The following DOK6 variants were observed in gnomAD, a reference collection of about 807,000 sequenced individuals.
The protein encoded by DOK6 is docking protein 6.
In DOK6, 22 loss-of-function variants were observed where a neutral mutation model predicts 44.0. That is an observed-to-expected ratio of 0.50 (90% confidence interval 0.36 to 0.71). The LOEUF is 0.71. Ranked by LOEUF, DOK6 falls within the 30% of genes least tolerant of loss-of-function variation. The pLI is 0.00. For missense variants in DOK6, 340 were observed against 416.4 expected, an observed-to-expected ratio of 0.82 and a Z score of 1.60; for synonymous variants, 166 against 145.5, an observed-to-expected ratio of 1.14 and a Z score of -1.01.
At chr18:69,447,372 T>G (rs1231809029) in intron 1 of DOK6, among the ~76,000 whole-genome samples, 1 of 152,176 alleles carries the variant, frequency 6.6e-6, no homozygotes, top group Non-Finnish European at 1.5e-5. Flanking sequence ...TGTAGATGTG[T>G]GGAGTTATTT....
chr18:69,424,645 CTCAA>C (rs1371480129), intron 1 of DOK6, among the ~76,000 whole-genome samples: 2 of 69,908 alleles, frequency 2.9e-5, no homozygotes, highest in African/African-American at 1.2e-4. Flanking sequence ...TTTTGTCTTA[CTCAA>C]GAAGGCTCTC....
chr18:69,690,914 C>T (rs1009576226), intron 4 of DOK6, among the ~76,000 whole-genome samples: 1 of 152,152 alleles, frequency 6.6e-6, no homozygotes, highest in African/African-American at 2.4e-5. Context: ...GGCATGGTGG[C>T]TCACACCTGT....
chr18:69,836,022 C>A (rs145382982), intron 7 of DOK6, among the ~76,000 whole-genome samples: 10 of 152,274 alleles, frequency 6.6e-5, no homozygotes, highest in African/African-American at 2.4e-4. Context: ...CAAAAGGGAA[C>A]CCTTGTTGGT....
At position 69,846,578 on chromosome 18, in the gene DOK6, TA is replaced by T. The variant is rs1460211243; in HGVS notation, c.*5196del. On this transcript the variant is annotated 3_prime_UTR_variant, in exon 8 of 8. Coordinates refer to ENST00000382713, the MANE Select transcript of DOK6 (RefSeq NM_152721.6). Reference sequence around the variant, plus strand: ...GGTCATGAATGGTTGGTATAAGCTTTATTTACTCATATATTGTCATCCAGTT... The same window carrying T: ...GGTCATGAATGGTTGGTATAAGCTTTTTTACTCATATATTGTCATCCAGTT... 1 of 152,232 alleles carries T rather than the reference TA, an allele frequency of 6.6e-6. No homozygotes were observed. The highest frequency in any genetic ancestry group is 1.5e-5 in the Non-Finnish European group (1 of 68,032). The allele number at this position is 152,232 out of a possible 1,614,324, so 9.4% of individuals were successfully genotyped here.
rs148388766 is a variant in DOK6 at position 69,638,080 on chromosome 18, T to C, written c.289+38582T>C. Among the ~76,000 whole-genome samples, 283 of 152,352 alleles carry C rather than the reference T, an allele frequency of 1.9e-3. 2 individuals carry two copies. The highest frequency in any genetic ancestry group is 5.9e-3 in the African/African-American group (244 of 41,584). On this transcript the variant is annotated intron_variant, in intron 3 of 7. Transcript: ENST00000382713. ...TTCTTCCTATTGCCTTTGATGTTTC[T>C]TTAGAGCAGAAGTTGGCAAACTTTT...
intron 1 of DOK6, among the ~76,000 whole-genome samples, chr18:69,484,736 G>A (rs1980526315): frequency 6.6e-6 from 1 of 152,092 alleles, no homozygotes; most frequent in African/African-American, 2.4e-5. Context: ...CCTGAGCTAA[G>A]CTTATCTCAT....
chr18:69,715,559 G>A (rs781576306), intron 5 of DOK6, among the ~76,000 whole-genome samples: 7 of 152,156 alleles, frequency 4.6e-5, no homozygotes, highest in East Asian at 1.9e-4. Context: ...GCTGTCAGTC[G>A]AGTGCATTGT....
chr18:69,459,188 TG>T (rs1384252598), intron 1 of DOK6, among the ~76,000 whole-genome samples: 42 of 848 alleles, frequency 0.05, no homozygotes, highest in East Asian at 0.2. Context: ...AAAAATATTT[TG>T]TGTGTGTGTG....
chr18:69,750,470 A>G (rs117081194), intron 6 of DOK6, among the ~76,000 whole-genome samples: 1 of 152,346 alleles, frequency 6.6e-6, no homozygotes, highest in East Asian at 1.9e-4. Context: ...AAAGGTTCAT[A>G]AAAAATGCTG....
intron 1 of DOK6, among the ~76,000 whole-genome samples, chr18:69,410,076 AG>A (rs1236551653): frequency 2.0e-5 from 3 of 152,232 alleles, no homozygotes; most frequent in Non-Finnish European, 4.4e-5. Flanking sequence ...GAATTTACCT[AG>A]AAGCTACCAA....
chr18:69,771,508 ATAT>A (rs1361833941), intron 7 of DOK6, among the ~76,000 whole-genome samples: 1 of 152,052 alleles, frequency 6.6e-6, no homozygotes, highest in Non-Finnish European at 1.5e-5. Context: ...TACATTATAC[ATAT>A]TATATGTGTA....
In DOK6 at chr18:69,847,151, C is replaced by T. The variant is rs777203908; in HGVS notation, c.*5768C>T. 7 of 151,938 alleles carry T rather than the reference C, an allele frequency of 4.6e-5. No individual in the cohort carries two copies. Among genetic ancestry groups the T allele is most frequent in the Non-Finnish European group, 8.8e-5 (6 of 67,990 alleles). The allele number at this position is 151,938 out of a possible 1,614,324, so 9.4% of individuals were successfully genotyped here. ...AGTAAGTTTTTTTTAAGTTATCTTC[C>T]ATGCCTGCTTCCCTAGTCTGAACTC... On this transcript the variant is annotated 3_prime_UTR_variant, in exon 8 of 8. Coordinates refer to ENST00000382713, the MANE Select transcript of DOK6 (RefSeq NM_152721.6).
chr18:69,536,531 T>G (rs1398291752), intron 1 of DOK6, among the ~76,000 whole-genome samples: 1 of 149,190 alleles, frequency 6.7e-6, no homozygotes, highest in Non-Finnish European at 1.5e-5. Context: ...ATATATAATT[T>G]TGGTTATTTT....
chr18:69,551,823 A>T (rs1982573132), intron 1 of DOK6, among the ~76,000 whole-genome samples: 1 of 152,068 alleles, frequency 6.6e-6, no homozygotes, highest in African/African-American at 2.4e-5. Context: ...TTAATGTTTC[A>T]CTCTTTCCAA....
intron 6 of DOK6, among the ~76,000 whole-genome samples, chr18:69,754,003 A>G (rs922866768): frequency 2.6e-5 from 4 of 152,194 alleles, no homozygotes; most frequent in African/African-American, 4.8e-5. Flanking sequence ...GTTGCCTTAT[A>G]TATTTTGTTG....
At chr18:69,727,076 C>G (rs1978312704) in intron 5 of DOK6, among the ~76,000 whole-genome samples, 1 of 152,124 alleles carries the variant, frequency 6.6e-6, no homozygotes, top group Non-Finnish European at 1.5e-5. Context: ...CCAGACTGAT[C>G]TCGAACTACT....
chr18:69,609,643 TAC>T (rs1984090776), intron 3 of DOK6, among the ~76,000 whole-genome samples: 1 of 150,704 alleles, frequency 6.6e-6, no homozygotes, highest in South Asian at 2.1e-4. Context: ...AAAGGAGAAT[TAC>T]CATATGATCT....
At chr18:69,537,036 A>G (rs191889230) in intron 1 of DOK6, among the ~76,000 whole-genome samples, 3 of 150,942 alleles carry the variant, frequency 2.0e-5, no homozygotes, top group Admixed American at 2.0e-4. Context: ...AGGTCTTGCT[A>G]TGTTGACCGG....
intron 7 of DOK6, among the ~76,000 whole-genome samples, chr18:69,796,424 A>C (rs1980746466): frequency 1.3e-5 from 2 of 152,152 alleles, no homozygotes; most frequent in Admixed American, 1.3e-4. Context: ...GCTGGCCACA[A>C]GAGAGCAATT....
Sources: allele counts gnomAD v4.1 joint callset (sites outside exome capture counted in the v4.1 genomes callset), GRCh38; gene constraint gnomAD v4.1.1; transcripts MANE v1.5; gene names NCBI Gene and HGNC (gene_info 2026-07-23, HGNC 2026-07-21).